The following LIG3 variants were observed in gnomAD, a reference collection of about 807,000 sequenced individuals.
LIG3 encodes the protein DNA ligase 3, also known as ligase II, DNA, ATP-dependent.
Under a neutral mutation model 110.9 loss-of-function variants are expected in LIG3, and 58 were observed. The observed-to-expected ratio is 0.52, with a 90% CI of 0.42 to 0.65. The LOEUF (loss-of-function observed/expected upper bound fraction) is 0.65. Among genes scored for constraint, LIG3 ranks in the 30% least tolerant of loss-of-function variants. The probability of loss-of-function intolerance (pLI) is 0.00; values close to 1 mark genes in which losing one functional copy is unlikely to be tolerated. For synonymous variants in LIG3, 422 were observed against 472.8 expected (o/e 0.89, Z 1.39); for missense variants, 1,094 against 1,273.8 (o/e 0.86, Z 2.15).
chr17:34,982,416 G>A (rs891215204), intron 1 of LIG3, among the ~76,000 whole-genome samples: 58 of 152,056 alleles, frequency 3.8e-4, no homozygotes, highest in African/African-American at 1.3e-3. Flanking sequence ...AGGCCGAGGC[G>A]GGCGAATCAC....
intron 1 of LIG3, among the ~76,000 whole-genome samples, chr17:34,981,323 A>G (rs1334937958): frequency 6.6e-6 from 1 of 151,500 alleles, no homozygotes; most frequent in Non-Finnish European, 1.5e-5. Flanking sequence ...ACTTGTTCTG[A>G]CCTCCTTTTA....
chr17:34,989,565 G>T lies in LIG3; in HGVS notation c.791G>T (p.Arg264Leu). 1.2e-6 allele frequency: 2 copies of T among 1,614,046 alleles called. No homozygotes were observed. Among genetic ancestry groups the T allele is most frequent in the Non-Finnish European group, 1.7e-6 (2 of 1,180,002 alleles). The change falls in exon 4 of 20, where the codon CGG (arginine) becomes CTG (leucine). Residue 264 changes from arginine to leucine, a missense_variant. Physicochemically the swap from Arg to Leu is moderately radical, Grantham distance 102. Coordinates refer to ENST00000378526, the MANE Select transcript of LIG3 (RefSeq NM_013975.4). ...CCCAGGCATAAGGACTGTCTGCTAC[G>T]GGAGTTTCGAAAGTTATGCGCCATG... Reference protein sequence around the residue: ...CDPRHKDCLLREFRKLCAMVA... With the variant: ...CDPRHKDCLLLEFRKLCAMVA...
Position 34,996,065 on chromosome 17 carries a change from T to G in LIG3, c.1613T>G (p.Val538Gly). Reference sequence around the variant, plus strand: ...CCAAAGCTCCCCTTCTGCTTTCAGGTGGCCCACTTTAAGGACTACATTCCC... The same window carrying G: ...CCAAAGCTCCCCTTCTGCTTTCAGGGGGCCCACTTTAAGGACTACATTCCC... ...RSLKPVLPHK[V>G]AHFKDYIPQA... Residue 538 changes from valine (V) to glycine (G), a missense_variant and splice_region_variant, in exon 10 of 20, where the codon GTG (valine) becomes GGG (glycine). Physicochemically the swap from Val to Gly is moderately radical, Grantham distance 109. Transcript: ENST00000378526. The G allele has an allele frequency of 6.2e-7, 1 of 1,612,490 alleles. No individual in the cohort carries two copies. The highest frequency in any genetic ancestry group is 8.5e-7 in the Non-Finnish European group (1 of 1,178,966).
rs2090623964 is a variant in LIG3, at chr17:34,983,352, T to C, written c.347T>C (p.Val116Ala). The part of the protein sequence containing the change: ...KKCKEKIVKG[V>A]CRIGKVVPNP... ...TGCAAGGAAAAGATTGTGAAGGGCG[T>C]ATGCCGAATTGGCAAAGTGGTGCCC... The change falls in exon 2 of 20, where the codon GTA (valine) becomes GCA (alanine). Residue 116 changes from valine (V) to alanine (A), a missense_variant. Coordinates refer to ENST00000378526, the MANE Select transcript of LIG3 (RefSeq NM_013975.4). The C allele has an allele frequency of 1.4e-5, 23 of 1,614,224 alleles. No homozygotes were observed. The highest frequency in any genetic ancestry group is 1.9e-5 in the Non-Finnish European group (22 of 1,180,048).
chr17:34,986,287 C>CA (rs1308999618), intron 3 of LIG3, among the ~76,000 whole-genome samples, 156 bp downstream of exon 3: 1 of 152,048 alleles, frequency 6.6e-6, no homozygotes, highest in Non-Finnish European at 1.5e-5. Context: ...AATTCTAAGC[C>CA]TTCCGCTTGG....
chr17:35,010,671 G>C (rs560872264), downstream of LIG3: 3 of 151,160 alleles, frequency 2.0e-5, no homozygotes, highest in East Asian at 5.8e-4. Flanking sequence ...AGAATAGCTT[G>C]AACCTGGGAG....
intron 16 of LIG3, 25 bp downstream of exon 16, chr17:34,999,881 C>G (rs2090821969): frequency 1.9e-6 from 3 of 1,577,292 alleles, no homozygotes; most frequent in African/African-American, 1.3e-5. Flanking sequence ...GCTTGGGGGC[C>G]TCCAGCTCAT....
Position 34,998,832 on chromosome 17 carries a change from G to A in LIG3, c.2113+105G>A, listed in dbSNP as rs1018831618. The A allele has an allele frequency of 1.5e-5, 21 of 1,393,764 alleles. No homozygotes were observed. In the African/African-American group the frequency reaches 2.7e-4, roughly 18 times the overall value. The allele number at this position is 1,393,764 out of a possible 1,614,324, so 86.3% of individuals were successfully genotyped here. ...TTGATCTGCCAGCATGGCCAGTTATGACTTCCGAAGTCCTAGGATCTAGGG... is the reference window on the plus strand; with the variant it reads ...TTGATCTGCCAGCATGGCCAGTTATAACTTCCGAAGTCCTAGGATCTAGGG... On this transcript the variant is annotated intron_variant, in intron 14 of 19. Coordinates refer to ENST00000378526, the MANE Select transcript of LIG3 (RefSeq NM_013975.4).
rs753138330 is a variant in LIG3 at position 35,004,458 on chromosome 17, G to A, written c.2982G>A (p.Glu994=). 1.4e-4 allele frequency: 227 copies of A among 1,614,082 alleles called. 1 individual carries two copies. The highest frequency in any genetic ancestry group is 1.7e-4 in the Non-Finnish European group (196 of 1,180,028). Residue 994 remains glutamate (E), a synonymous_variant, in exon 20 of 20, where the codon GAG becomes GAA. Coordinates refer to ENST00000378526, the MANE Select transcript of LIG3 (RefSeq NM_013975.4). ...CTGCGGCCCAGCAGGTCTCCCCAGAGTGGATTTGGGCATGTATCCGGAAAC... is the reference window on the plus strand; with the variant it reads ...CTGCGGCCCAGCAGGTCTCCCCAGAATGGATTTGGGCATGTATCCGGAAAC... ...KNPAAQQVSP[E]WIWACIRKRR...
rs1298187541 is a variant in LIG3, at chr17:34,986,098, A to G, written c.658A>G (p.Ser220Gly). The stretch of plus-strand genomic sequence containing the variant: ...AGTGAAAGGCGCCTCATTTGTCACC[A>G]GTACCAATCCCCGGAAATTTTCTGG... ...SPVKGASFVT[S>G]TNPRKFSGFS... Residue 220 changes from serine (S) to glycine (G), a missense_variant, in exon 3 of 20, where the codon AGT becomes GGT. Coordinates refer to ENST00000378526, the MANE Select transcript of LIG3 (RefSeq NM_013975.4). 3 of 1,614,086 alleles carry G rather than the reference A, an allele frequency of 1.9e-6. No individual in the cohort carries two copies. The highest frequency in any genetic ancestry group is 2.5e-6 in the Non-Finnish European group (3 of 1,180,040).
Position 34,980,560 on chromosome 17 carries a change from T to G in LIG3, c.-67T>G. The G allele has an allele frequency of 7.8e-7, 1 of 1,287,754 alleles. No individual in the cohort carries two copies. Among genetic ancestry groups the G allele is most frequent in the Admixed American group, 2.3e-5 (1 of 43,380 alleles). 79.8% of individuals were successfully genotyped at this position (1,287,754 alleles called of 1,614,324 possible). ...GACAGGCGCTCCAACCGTCGTGGGC[T>G]GCCCGCGGCCTGTAATGAGCAAGTT... On this transcript the variant is annotated 5_prime_UTR_variant, in exon 1 of 20. Transcript: ENST00000378526.
rs2090896870 is a variant in LIG3 at position 35,006,586 on chromosome 17, C to G, written c.*2080C>G. The G allele has an allele frequency of 6.6e-6, 1 of 152,194 alleles. No individual in the cohort carries two copies. Among genetic ancestry groups the G allele is most frequent in the African/African-American group, 2.4e-5 (1 of 41,418 alleles). The allele number at this position is 152,194 out of a possible 1,614,324, so 9.4% of individuals were successfully genotyped here. A position where few individuals can be genotyped will look rare whatever the true frequency, so the allele number is the denominator to read the frequency against. ...CCTGGTGTGCATGTCCAGACCCTAC[C>G]CGGGAGAAGGGCCTAACCTATGACT... On this transcript the variant is annotated 3_prime_UTR_variant, in exon 20 of 20. Coordinates refer to ENST00000378526, the MANE Select transcript of LIG3 (RefSeq NM_013975.4).
intron 18 of LIG3, 70 bp downstream of exon 18, chr17:35,002,174 C>A: frequency 7.6e-7 from 1 of 1,319,106 alleles, no homozygotes; most frequent in African/African-American, 1.5e-5. Flanking sequence ...GGGCAGGGAC[C>A]CAGTCTCACA....
rs12941420 is a variant in LIG3 at position 34,999,612 on chromosome 17, G to T, written c.2256+163G>T. Reference sequence around the variant, plus strand: ...CCTTATAATCTCTGAATGCCTTCTTGTGGAAAATGGCTTGCATGCCTCTAG... The same window carrying T: ...CCTTATAATCTCTGAATGCCTTCTTTTGGAAAATGGCTTGCATGCCTCTAG... On this transcript the variant is annotated intron_variant, in intron 15 of 19. Transcript: ENST00000378526. Among the ~76,000 whole-genome samples the T allele has an allele frequency of 4.6e-3, 695 of 152,356 alleles. 3 individuals carry two copies. Among genetic ancestry groups the T allele is most frequent in the Non-Finnish European group, 7.3e-3 (499 of 68,030 alleles).
chr17:34,999,289 C>T lies in LIG3; in HGVS notation c.2114-18C>T, dbSNP rs1162154342. The T allele has an allele frequency of 1.9e-6, 3 of 1,606,638 alleles. No individual in the cohort carries two copies. The highest frequency in any genetic ancestry group is 2.6e-6 in the Non-Finnish European group (3 of 1,175,370). ...GATGGCTCCTCCAACCCACACTCATCTCACACTCCCCTCCCAGGCGGCATG... is the reference window on the plus strand; with the variant it reads ...GATGGCTCCTCCAACCCACACTCATTTCACACTCCCCTCCCAGGCGGCATG... On this transcript the variant is annotated intron_variant, in intron 14 of 19. Transcript: ENST00000378526.
chr17:34,989,622 C>G lies in LIG3; in HGVS notation c.848C>G (p.Thr283Ser). ...VADNPSYNTK[T>S]QIIQDFLRKG... ...GATAATCCTAGCTACAACACGAAGA[C>G]CCAGATCATCCAGGACTTCCTTCGG... Residue 283 changes from threonine to serine, a missense_variant, in exon 4 of 20, where the codon ACC becomes AGC. Physicochemically the swap from Thr to Ser is moderately conservative, Grantham distance 58. Transcript: ENST00000378526. 1 of 1,614,122 alleles carries G rather than the reference C, an allele frequency of 6.2e-7. No homozygotes were observed. Among genetic ancestry groups the G allele is most frequent in the Non-Finnish European group, 8.5e-7 (1 of 1,180,038 alleles).
intron 5 of LIG3, 27 bp from the exon 6 acceptor site, chr17:34,991,644 C>T: frequency 6.2e-7 from 1 of 1,611,220 alleles, no homozygotes; most frequent in Non-Finnish European, 8.5e-7. Context: ...AGGGTTGCAG[C>T]AGTGGCATTT....
rs1254323279 is a variant in LIG3, at chr17:34,999,832, T to C, written c.2307T>C (p.Pro769=). 11 of 1,613,988 alleles carry C rather than the reference T, an allele frequency of 6.8e-6. No homozygotes were observed. Among genetic ancestry groups the C allele is most frequent in the Non-Finnish European group, 9.3e-6 (11 of 1,179,958 alleles). The part of the protein sequence containing the change: ...SWLKVNKIYY[P]DFIVPDPKKA... ...TGAAGGTCAACAAGATCTACTATCC[T>C]GACTTCATCGTCCCAGACCCAAAGG... Residue 769 remains proline, a synonymous_variant, in exon 16 of 20, where the codon CCT becomes CCC. Transcript: ENST00000378526.
Position 35,005,862 on chromosome 17 carries a change from ACCTAGCG to A in LIG3, c.*1357_*1363del. 1.4e-5 allele frequency: 5 copies of A among 370,000 alleles called. No individual in the cohort carries two copies. The highest frequency in any genetic ancestry group is 4.2e-5 in the African/African-American group (2 of 47,406). The allele number at this position is 370,000 out of a possible 1,614,324, so 22.9% of individuals were successfully genotyped here. ...AATGAAGAGCAGCAGTAAAAGAAAT[ACCTAGCG>A]AAAAAAACAGGAAGCATATTGAAGC... On this transcript the variant is annotated 3_prime_UTR_variant, in exon 20 of 20. Transcript: ENST00000378526.
Sources: allele counts gnomAD v4.1 joint callset (sites outside exome capture counted in the v4.1 genomes callset), GRCh38; gene constraint gnomAD v4.1.1; transcripts MANE v1.5; gene names NCBI Gene and HGNC (gene_info 2026-07-23, HGNC 2026-07-21).